LGR4: variants seen among roughly 807,000 people sequenced by gnomAD.
LGR4 encodes the protein leucine-rich repeat-containing G protein-coupled receptor 4.
Under a neutral mutation model 84.8 loss-of-function variants are expected in LGR4, and 44 were observed. The observed-to-expected ratio is 0.52, with a 90% CI of 0.41 to 0.67. LGR4 has a LOEUF of 0.67. LGR4 is among the 30% of genes least tolerant of loss of function. The probability of loss-of-function intolerance (pLI) is 0.00; values close to 1 mark genes in which losing one functional copy is unlikely to be tolerated. For synonymous variants in LGR4, 429 were observed against 434.3 expected (o/e 0.99, Z 0.15); for missense variants, 1,032 against 1,131.4 (o/e 0.91, Z 1.26).
intron 1 of LGR4, among the ~76,000 whole-genome samples, chr11:27,419,539 A>C (rs1037376408): frequency 1.3e-5 from 2 of 149,994 alleles, no homozygotes; most frequent in African/African-American, 4.9e-5. Context: ...ACTTATGACT[A>C]TATGACCCAG....
At position 27,472,356 on chromosome 11, in the gene LGR4, C is replaced by T; in HGVS notation, c.-54G>A. The T allele has an allele frequency of 2.6e-6, 3 of 1,168,526 alleles. No homozygotes were observed. The highest frequency in any genetic ancestry group is 3.2e-6 in the Non-Finnish European group (3 of 939,816). The allele number at this position is 1,168,526 out of a possible 1,614,324, so 72.4% of individuals were successfully genotyped here. On this transcript the variant is annotated 5_prime_UTR_variant, in exon 1 of 18. Transcript: ENST00000379214. ...TCCCGCGGCGCTGCTCGCTCCGCTG[C>T]CCTCCGATGTCCCCCGCCGCCCCCG...
intron 17 of LGR4, among the ~76,000 whole-genome samples, chr11:27,369,887 A>G (rs1590340031): frequency 6.6e-6 from 1 of 152,176 alleles, no homozygotes; most frequent in Non-Finnish European, 1.5e-5. Context: ...GACAAAGGCC[A>G]TTCAGTAAGA....
At chr11:27,416,357 G>A (rs572170341) in intron 1 of LGR4, among the ~76,000 whole-genome samples, 1 of 152,288 alleles carries the variant, frequency 6.6e-6, no homozygotes, top group African/African-American at 2.4e-5. Context: ...TTCTTCGTTT[G>A]TAAAACGGAG....
rs1370066317 is a variant in LGR4 at position 27,368,244 on chromosome 11, A to C, written c.2479T>G (p.Ser827Ala). ...CCACCTTGGCTACTGATGGAAACTG[A>C]AACTGATCCACTTTTCTTGGTAACA... ...RRVTKKSGSV[S>A]VSISSQGGCL... Residue 827 changes from serine (S) to alanine (A), a missense_variant, in exon 18 of 18, where the codon TCA becomes GCA. Transcript: ENST00000379214. 2 of 1,614,278 alleles carry C rather than the reference A, an allele frequency of 1.2e-6. No individual in the cohort carries two copies. Among genetic ancestry groups the C allele is most frequent in the Non-Finnish European group, 1.7e-6 (2 of 1,180,044 alleles).
At chr11:27,436,877 T>C (rs1590393044) in intron 1 of LGR4, among the ~76,000 whole-genome samples, 1 of 152,044 alleles carries the variant, frequency 6.6e-6, no homozygotes, top group Admixed American at 6.6e-5. Context: ...CCCTTAGCTA[T>C]ACCAGTCTTT....
chr11:27,413,040 T>G (rs1270986387), intron 1 of LGR4, among the ~76,000 whole-genome samples, 180 bp from the exon 2 acceptor site: 3 of 152,270 alleles, frequency 2.0e-5, no homozygotes, highest in East Asian at 1.9e-4. Flanking sequence ...TTAAATGTTC[T>G]GTTATAAATT....
intron 1 of LGR4, among the ~76,000 whole-genome samples, chr11:27,416,000 AATT>A (rs1863809131): frequency 1.3e-5 from 2 of 152,158 alleles, no homozygotes; most frequent in Non-Finnish European, 2.9e-5. Flanking sequence ...AAGCCATATA[AATT>A]ATTATGATAC....
Position 27,391,176 on chromosome 11 carries a change from AT to A in LGR4, c.330-12del. The A allele has an allele frequency of 1.9e-6, 3 of 1,562,598 alleles. No homozygotes were observed. The highest frequency in any genetic ancestry group is 1.8e-5 in the Admixed American group (1 of 55,224). On this transcript the variant is annotated splice_polypyrimidine_tract_variant and intron_variant, in intron 3 of 17. Coordinates refer to ENST00000379214, the MANE Select transcript of LGR4 (RefSeq NM_018490.5). ...TTATTCTGGAGCGTTCTGAAAGAAA[AT>A]TTTTGGTTAGTGAGTAACAAGTGAT...
At chr11:27,434,660 G>A (rs1415573506) in intron 1 of LGR4, among the ~76,000 whole-genome samples, 1 of 152,214 alleles carries the variant, frequency 6.6e-6, no homozygotes, top group Non-Finnish European at 1.5e-5. Context: ...CTAGAGAAGA[G>A]CTTCCTACCA....
chr11:27,381,306 T>A (rs190666421), intron 7 of LGR4, among the ~76,000 whole-genome samples: 2 of 152,312 alleles, frequency 1.3e-5, no homozygotes, highest in Non-Finnish European at 2.9e-5. Flanking sequence ...TGGCAATGCA[T>A]CTTAGAATGT....
At position 27,414,232 on chromosome 11, in the gene LGR4, T is replaced by A. The variant is rs185566293; in HGVS notation, c.186-1372A>T. Among the ~76,000 whole-genome samples, 4 of 152,136 alleles carry A rather than the reference T, an allele frequency of 2.6e-5. No individual in the cohort carries two copies. In the East Asian group the frequency reaches 7.7e-4, roughly 29 times the overall value. On this transcript the variant is annotated intron_variant, in intron 1 of 17. Transcript: ENST00000379214. ...GCAAACGATGAGTCTTCTTAAGTAT[T>A]ATTTGAATCCTGTTATTAATACTTC...
At chr11:27,405,710 C>T (rs1316661286) in intron 2 of LGR4, among the ~76,000 whole-genome samples, 1 of 152,104 alleles carries the variant, frequency 6.6e-6, no homozygotes, top group Non-Finnish European at 1.5e-5. Context: ...CCTATCATCC[C>T]AGCCAAGACA....
At chr11:27,463,679 G>A (rs542223984) in intron 1 of LGR4, among the ~76,000 whole-genome samples, 89 of 152,110 alleles carry the variant, frequency 5.9e-4, no homozygotes, top group Non-Finnish European at 1.0e-4. Flanking sequence ...CCAGCTACTC[G>A]GGAGGCTGAG....
chr11:27,384,556 G>A (rs1863152700), intron 5 of LGR4, 149 bp from the exon 6 acceptor site: 1 of 634,890 alleles, frequency 1.6e-6, no homozygotes, highest in Non-Finnish European at 2.8e-6. Flanking sequence ...GTTGACCACA[G>A]AAAACAAGTG....
intron 1 of LGR4, among the ~76,000 whole-genome samples, chr11:27,459,906 C>T (rs942401606): frequency 4.6e-4 from 70 of 152,010 alleles, no homozygotes; most frequent in African/African-American, 1.5e-3. Context: ...GCGGGGCCAA[C>T]ATAGTGAAAC....
At chr11:27,374,088 C>T (rs1862933352) in intron 13 of LGR4, 42 bp from the exon 14 acceptor site, 3 of 1,240,068 alleles carry the variant, frequency 2.4e-6, no homozygotes, top group Non-Finnish European at 3.6e-6. Context: ...CAAATAAACA[C>T]TCAGAATGCC....
chr11:27,431,840 G>A (rs1864122667), intron 1 of LGR4, among the ~76,000 whole-genome samples: 1 of 152,194 alleles, frequency 6.6e-6, no homozygotes, highest in Admixed American at 6.5e-5. Flanking sequence ...GTTCTACCAT[G>A]TATTAGCTGC....
intron 10 of LGR4, among the ~76,000 whole-genome samples, chr11:27,379,433 T>C (rs750340242): frequency 2.0e-5 from 3 of 152,210 alleles, no homozygotes; most frequent in African/African-American, 4.8e-5. Context: ...TCCCCATCTC[T>C]AGTCTCTTTC....
At chr11:27,453,199 G>A (rs1333275840) in intron 1 of LGR4, among the ~76,000 whole-genome samples, 5 of 152,034 alleles carry the variant, frequency 3.3e-5, no homozygotes, top group Non-Finnish European at 7.4e-5. Flanking sequence ...CTCCCGAGTA[G>A]CTGGGATTAC....
Sources: gnomAD v4.1 joint callset for allele counts (sites outside exome capture counted in the v4.1 genomes callset) on GRCh38, gnomAD v4.1.1 for gene constraint, MANE v1.5 for transcripts, NCBI Gene and HGNC (gene_info 2026-07-23, HGNC 2026-07-21) for gene names.